The following FGD5 variants were observed in gnomAD, a reference collection of about 807,000 sequenced individuals.
FGD5 encodes FYVE, RhoGEF and PH domain containing 5, also known as FYVE, RhoGEF and PH domain-containing protein 5.
FGD5 carries 28 observed loss-of-function variants against 133.4 expected under a neutral mutation model. The observed-to-expected ratio is 0.21, with a 90% confidence interval of 0.16 to 0.29. FGD5 has a LOEUF of 0.29. Among genes scored for constraint, FGD5 ranks in the 10% least tolerant of loss-of-function variants. The probability of loss-of-function intolerance (pLI) is 1.00; values close to 1 mark genes in which losing one functional copy is unlikely to be tolerated. For synonymous variants in FGD5, 810 were observed against 776.5 expected (o/e 1.04, Z -0.72); for missense variants, 1,858 against 1,895.2 (o/e 0.98, Z 0.36).
At chr3:14,925,623 C>G (rs550415496) in intron 17 of FGD5, among the ~76,000 whole-genome samples, 46 of 152,234 alleles carry the variant, frequency 3.0e-4, no homozygotes, top group Admixed American at 9.2e-4. Flanking sequence ...AATAAAAGGA[C>G]TTAACGCTGC....
At chr3:14,868,153 A>G (rs796478828) in intron 2 of FGD5, among the ~76,000 whole-genome samples, 11 of 152,180 alleles carry the variant, frequency 7.2e-5, no homozygotes, top group African/African-American at 2.6e-4. Context: ...ATGAAAGGAG[A>G]CATTCAAAGA....
rs146683504 is a variant in FGD5 at position 14,833,633 on chromosome 3, C to A, written c.2525+12037C>A. Among the ~76,000 whole-genome samples the A allele has an allele frequency of 4.6e-5, 7 of 152,168 alleles. No individual in the cohort carries two copies. In the East Asian group the frequency reaches 1.4e-3, roughly 29 times the overall value. On this transcript the variant is annotated intron_variant, in intron 1 of 19. Coordinates refer to ENST00000285046, the MANE Select transcript of FGD5 (RefSeq NM_152536.4). ...TAGCATCCTGAGGAAGCAGGTGGTC[C>A]GCTATAGATACTGCCTCAATGATCC...
At chr3:14,862,939 C>T (rs989997174) in intron 1 of FGD5, among the ~76,000 whole-genome samples, 10 of 152,224 alleles carry the variant, frequency 6.6e-5, no homozygotes, top group African/African-American at 1.7e-4. Context: ...TGGGTACCTG[C>T]GGTTCTGGCT....
intron 11 of FGD5, among the ~76,000 whole-genome samples, chr3:14,913,948 C>G (rs922362856): frequency 3.3e-5 from 5 of 152,172 alleles, no homozygotes; most frequent in Admixed American, 6.5e-5. Context: ...CCCACACTCC[C>G]CCCGTCTGGC....
At chr3:14,853,536 C>G (rs1452334088) in intron 1 of FGD5, among the ~76,000 whole-genome samples, 1 of 149,854 alleles carries the variant, frequency 6.7e-6, no homozygotes, top group Admixed American at 6.7e-5. Context: ...GGAGAAGTTA[C>G]GTCTGCAATC....
intron 18 of FGD5, among the ~76,000 whole-genome samples, chr3:14,930,498 G>A (rs1190301356): frequency 6.6e-6 from 1 of 152,106 alleles, no homozygotes; most frequent in Non-Finnish European, 1.5e-5. Context: ...TTGTGAGGCC[G>A]AGGCATGAGA....
chr3:14,871,953 A>T (rs2037616702), intron 2 of FGD5, among the ~76,000 whole-genome samples: 1 of 152,224 alleles, frequency 6.6e-6, no homozygotes, highest in East Asian at 1.9e-4. Context: ...GCACCCTAGC[A>T]TCTGGGGGAT....
upstream of FGD5, among the ~76,000 whole-genome samples, chr3:14,815,836 G>T (rs551060027): frequency 6.6e-6 from 1 of 152,212 alleles, no homozygotes; most frequent in South Asian, 2.1e-4. Flanking sequence ...AGCCGGAAAC[G>T]CAGGTTCTAC....
chr3:14,810,811 G>C (rs551603080), upstream of FGD5: 2 of 984,608 alleles, frequency 2.0e-6, no homozygotes, highest in Non-Finnish European at 2.4e-6. Flanking sequence ...ACCCGCGGAC[G>C]GACTGAAACG....
intron 9 of FGD5, among the ~76,000 whole-genome samples, chr3:14,906,739 T>C (rs2038350285): frequency 6.6e-6 from 1 of 152,244 alleles, no homozygotes; most frequent in Non-Finnish European, 1.5e-5. Flanking sequence ...ACCAGCCACC[T>C]CTGCCTCCTG....
chr3:14,855,178 A>C (rs565333106), intron 1 of FGD5, among the ~76,000 whole-genome samples: 1 of 152,298 alleles, frequency 6.6e-6, no homozygotes, highest in African/African-American at 2.4e-5. Context: ...TTCATGTTGC[A>C]ACAAATGACA....
At position 14,819,480 on chromosome 3, in the gene FGD5, G is replaced by A; in HGVS notation, c.409G>A (p.Glu137Lys). 1.9e-6 allele frequency: 3 copies of A among 1,551,370 alleles called. No homozygotes were observed. The highest frequency in any genetic ancestry group is 2.6e-6 in the Non-Finnish European group (3 of 1,146,970). Reference sequence around the variant, plus strand: ...AGGAGCGCTGAGCAGGGAGGGTGAGGAAGGCACAGACCTTGCTCTTGAGGA... The same window carrying A: ...AGGAGCGCTGAGCAGGGAGGGTGAGAAAGGCACAGACCTTGCTCTTGAGGA... ...GAGALSREGE[E>K]GTDLALEDEG... Residue 137 changes from glutamate (E) to lysine (K), a missense_variant, in exon 1 of 20, where the codon GAA becomes AAA. Around this residue, in one of 3 missense-constraint regions of FGD5, gnomAD observed 1,824 missense variants for 1,848.9 expected, o/e 0.99. Coordinates refer to ENST00000285046, the MANE Select transcript of FGD5 (RefSeq NM_152536.4). The surrounding 1 kb of genome is among the most constrained non-coding windows in gnomAD (Gnocchi z 4.1).
chr3:14,892,172 C>G (rs1559495749), intron 4 of FGD5, among the ~76,000 whole-genome samples: 1 of 151,834 alleles, frequency 6.6e-6, no homozygotes, highest in East Asian at 1.9e-4. Context: ...TTCTACTTTT[C>G]AATCCTTATA....
rs756219870 is a variant in FGD5 at position 14,820,650 on chromosome 3, G to A, written c.1579G>A (p.Glu527Lys). The change falls in exon 1 of 20, where the codon GAG (glutamate) becomes AAG (lysine). Residue 527 changes from glutamate to lysine, a missense_variant. Glu to Lys is a moderately conservative substitution (Grantham distance 56, BLOSUM62 1). This residue lies in a region of FGD5 where 1,824 missense variants were observed against 1,848.9 expected (regional missense o/e 0.99). Transcript: ENST00000285046. ...EEVGKTLLSL[E>K]GKPLEASRAL... is the part of the protein sequence containing the mutation. ...GGTGGGAAAGACGCTTTTGTCATTGGAGGGGAAGCCCTTGGAAGCCAGCAG... is the reference window on the plus strand; with the variant it reads ...GGTGGGAAAGACGCTTTTGTCATTGAAGGGGAAGCCCTTGGAAGCCAGCAG... 6.9e-6 allele frequency: 11 copies of A among 1,602,274 alleles called. No homozygotes were observed. Among genetic ancestry groups the A allele is most frequent in the African/African-American group, 2.7e-5 (2 of 74,456 alleles).
At chr3:14,883,266 T>C (rs879038440) in intron 4 of FGD5, among the ~76,000 whole-genome samples, 5 of 152,232 alleles carry the variant, frequency 3.3e-5, no homozygotes, top group Admixed American at 3.3e-4. Context: ...AGACCACATG[T>C]GGGTCACAAA....
intron 2 of FGD5, among the ~76,000 whole-genome samples, chr3:14,871,888 T>TCA (rs1330834808): frequency 6.6e-6 from 1 of 152,252 alleles, no homozygotes; most frequent in East Asian, 1.9e-4. Flanking sequence ...TTGGCAGTGG[T>TCA]CACTCTCTCT....
chr3:14,880,686 C>T (rs1398348365), intron 3 of FGD5, 56 bp downstream of exon 3: 1 of 1,613,884 alleles, frequency 6.2e-7, no homozygotes, highest in Non-Finnish European at 8.5e-7. Flanking sequence ...ACGTCACCCT[C>T]CTGGGCTTAC....
intron 10 of FGD5, among the ~76,000 whole-genome samples, chr3:14,908,797 T>C (rs1347844119): frequency 6.6e-6 from 1 of 151,288 alleles, no homozygotes; most frequent in African/African-American, 2.4e-5. Flanking sequence ...GGATAATCGC[T>C]TAAACCCAGG....
intron 2 of FGD5, among the ~76,000 whole-genome samples, chr3:14,873,498 G>A (rs996293006): frequency 1.3e-5 from 2 of 152,142 alleles, no homozygotes; most frequent in Non-Finnish European, 2.9e-5. Flanking sequence ...GCCATTAGCC[G>A]GCTGTTTGAA....
Sources: gnomAD v4.1 joint callset for allele counts (sites outside exome capture counted in the v4.1 genomes callset) on GRCh38, gnomAD v4.1.1 for gene constraint, gnomAD v4.1.1 regional missense constraint, Gnocchi (gnomAD v3.1) non-coding constraint, MANE v1.5 for transcripts, NCBI Gene and HGNC (gene_info 2026-07-23, HGNC 2026-07-21) for gene names.